RRH: variants seen among roughly 807,000 people sequenced by gnomAD.
RRH encodes visual pigment-like receptor peropsin.
Under a neutral mutation model 33.1 loss-of-function variants are expected in RRH, and 36 were observed. The observed-to-expected ratio is 1.09, with a 90% CI of 0.83 to 1.44. The LOEUF is 1.44. RRH is among the 40% of genes most tolerant of loss of function. The pLI is 0.00. For synonymous variants in RRH, 124 were observed against 140.2 expected, an observed-to-expected ratio of 0.88 and a Z score of 0.82; for missense variants, 393 against 420.2, an observed-to-expected ratio of 0.94 and a Z score of 0.57.
intron 3 of RRH, 78 bp downstream of exon 3, chr4:109,835,543 A>G: frequency 9.9e-7 from 1 of 1,006,546 alleles, no homozygotes. Context: ...ACGCTAAAAT[A>G]TAAACCTAAT....
chr4:109,842,229 T>TA (rs2125894559), intron 5 of RRH, among the ~76,000 whole-genome samples: 1 of 152,240 alleles, frequency 6.6e-6, no homozygotes, highest in East Asian at 1.9e-4. Flanking sequence ...GTACCATTCT[T>TA]AAAAGCAATG....
At position 109,844,921 on chromosome 4, in the gene RRH, T is replaced by C. The variant is rs950085339; in HGVS notation, c.*724T>C. 6.6e-6 allele frequency among the ~76,000 whole-genome samples: 1 copy of C among 152,204 alleles called. No homozygotes were observed. Among genetic ancestry groups the C allele is most frequent in the African/African-American group, 2.4e-5 (1 of 41,464 alleles). ...TGTCTGGCATGTAGTAGGCACTCAA[T>C]AAATATTTTTTCAATGTCAAATGAA... On this transcript the variant is annotated 3_prime_UTR_variant, in exon 7 of 7. Coordinates refer to ENST00000317735, the MANE Select transcript of RRH (RefSeq NM_006583.5).
chr4:109,835,290 C>A, intron 2 of RRH, 76 bp from the exon 3 acceptor site: 1 of 958,956 alleles, frequency 1.0e-6, no homozygotes, highest in Non-Finnish European at 1.7e-6. Flanking sequence ...GAGATATATT[C>A]TAACAATGGA....
At chr4:109,835,032 T>A (rs1733850067) in intron 2 of RRH, among the ~76,000 whole-genome samples, 1 of 152,214 alleles carries the variant, frequency 6.6e-6, no homozygotes, top group Non-Finnish European at 1.5e-5. Flanking sequence ...TCTATTGAGT[T>A]TGTCTTTTCC....
chr4:109,842,057 A>C (rs1031964329), intron 5 of RRH, among the ~76,000 whole-genome samples: 24 of 152,210 alleles, frequency 1.6e-4, no homozygotes, highest in Non-Finnish European at 2.9e-5. Context: ...CAGTAAGAGC[A>C]AATAATAATG....
chr4:109,833,152 T>C lies in RRH; in HGVS notation c.120T>C (p.Ile40=). Residue 40 remains isoleucine, a synonymous_variant, in exon 2 of 7, where the codon ATT becomes ATC. Coordinates refer to ENST00000317735, the MANE Select transcript of RRH (RefSeq NM_006583.5). Reference sequence around the variant, plus strand: ...GTGTGTTCTCAGGTATGATAAGTATTATCAGCAACATAATAGTTCTGGGCA... The same window carrying C: ...GTGTGTTCTCAGGTATGATAAGTATCATCAGCAACATAATAGTTCTGGGCA... ...TYLIMAGMIS[I]ISNIIVLGIF... 1 of 1,613,382 alleles carries C rather than the reference T, an allele frequency of 6.2e-7. No individual in the cohort carries two copies. Among genetic ancestry groups the C allele is most frequent in the Non-Finnish European group, 8.5e-7 (1 of 1,179,312 alleles).
chr4:109,838,816 T>C (rs925682901), intron 5 of RRH, among the ~76,000 whole-genome samples: 1 of 152,164 alleles, frequency 6.6e-6, no homozygotes, highest in African/African-American at 2.4e-5. Flanking sequence ...TATAGGATCT[T>C]CTCTATGTCT....
chr4:109,831,017 C>A (rs1394939423), intron 1 of RRH, among the ~76,000 whole-genome samples: 1 of 152,158 alleles, frequency 6.6e-6, no homozygotes, highest in Non-Finnish European at 1.5e-5. Context: ...AGAAGACCTA[C>A]AGCTGTGGAA....
rs188573027 is a variant in RRH, at chr4:109,832,440, C to G, written c.107-699C>G. On this transcript the variant is annotated intron_variant, in intron 1 of 6. Coordinates refer to ENST00000317735, the MANE Select transcript of RRH (RefSeq NM_006583.5). ...GCTTCTCTATGGACCAAAAAGCTGG[C>G]TCAACTTCCTCTCTGGATAGTCAAG... Among the ~76,000 whole-genome samples the G allele has an allele frequency of 2.5e-3, 368 of 149,738 alleles. 1 individual carries two copies. Among genetic ancestry groups the G allele is most frequent in the African/African-American group, 8.5e-3 (343 of 40,440 alleles).
chr4:109,842,553 A>G lies in RRH; in HGVS notation c.805A>G (p.Lys269Glu), dbSNP rs773975938. 10 of 1,613,950 alleles carry G rather than the reference A, an allele frequency of 6.2e-6. No homozygotes were observed. In the Admixed American group the frequency reaches 6.7e-5, roughly 11 times the overall value. The change falls in exon 6 of 7, where the codon AAG becomes GAG. Residue 269 changes from lysine (K) to glutamate (E), a missense_variant. Physicochemically the swap from Lys to Glu is moderately conservative, Grantham distance 56 (BLOSUM62 1). Transcript: ENST00000317735. ...CTTATGGGCTTCTTTTGGTGACCCA[A>G]AGAAGATTCCTCCCCCCATGGCCAT... ...VCLWASFGDP[K>E]KIPPPMAIIA...
chr4:109,843,474 G>A (rs370222582), intron 6 of RRH, among the ~76,000 whole-genome samples: 5 of 152,344 alleles, frequency 3.3e-5, no homozygotes, highest in Admixed American at 6.5e-5. Flanking sequence ...CTCCCAAAGC[G>A]CTGGGATTAC....
chr4:109,832,249 C>G (rs781027781), intron 1 of RRH, among the ~76,000 whole-genome samples: 7 of 147,722 alleles, frequency 4.7e-5, no homozygotes, highest in Non-Finnish European at 7.4e-5. Flanking sequence ...ACATGCACAT[C>G]CAGTACACTC....
Position 109,837,418 on chromosome 4 carries a change from T to C in RRH, c.552-19T>C. On this transcript the variant is annotated intron_variant, in intron 4 of 6. Coordinates refer to ENST00000317735, the MANE Select transcript of RRH (RefSeq NM_006583.5). The stretch of plus-strand genomic sequence containing the variant: ...AGGACATTAAATGAGCAATCATGAT[T>C]GCCTTTTCTTATTTTCAGATCTTTT... 2 of 1,610,706 alleles carry C rather than the reference T, an allele frequency of 1.2e-6. No individual in the cohort carries two copies. The highest frequency in any genetic ancestry group is 2.2e-5 in the East Asian group (1 of 44,856).
chr4:109,835,635 A>C lies in RRH; in HGVS notation c.397+170A>C, dbSNP rs375298423. ...TGGCTTCTTATTGTACTTAGAATAAAATCCAAATTTCATAAGGCTATTCAC... is the reference window on the plus strand; with the variant it reads ...TGGCTTCTTATTGTACTTAGAATAACATCCAAATTTCATAAGGCTATTCAC... On this transcript the variant is annotated intron_variant, in intron 3 of 6. Transcript: ENST00000317735. Among the ~76,000 whole-genome samples, 61 of 152,346 alleles carry C rather than the reference A, an allele frequency of 4.0e-4. No individual in the cohort carries two copies. The East Asian group carries it at 6.7e-3, about 17-fold the overall frequency.
chr4:109,838,516 T>C (rs1733930586), intron 5 of RRH, among the ~76,000 whole-genome samples: 1 of 152,196 alleles, frequency 6.6e-6, no homozygotes, highest in Non-Finnish European at 1.5e-5. Flanking sequence ...CCTTTTTTTT[T>C]TTCTTAGTTT....
In RRH at chr4:109,837,620, T is replaced by G; in HGVS notation, c.720+15T>G. On this transcript the variant is annotated intron_variant, in intron 5 of 6. Coordinates refer to ENST00000317735, the MANE Select transcript of RRH (RefSeq NM_006583.5). ...ATGTAACAAAGGTAAGAGATCAAAA[T>G]CCTTGAAAAATTGTTGTCATGGAGC... 1.2e-6 allele frequency: 2 copies of G among 1,609,258 alleles called. No individual in the cohort carries two copies. Among genetic ancestry groups the G allele is most frequent in the Non-Finnish European group, 1.7e-6 (2 of 1,176,584 alleles).
chr4:109,837,642 G>A (rs777902593), intron 5 of RRH, 37 bp downstream of exon 5: 3 of 1,563,436 alleles, frequency 1.9e-6, no homozygotes, highest in Non-Finnish European at 2.6e-6. Flanking sequence ...TGTTGTCATG[G>A]AGCTTTTACC....
Position 109,830,729 on chromosome 4 carries a change from A to AT in RRH, c.107-2408dup, listed in dbSNP as rs144635918. On this transcript the variant is annotated intron_variant, in intron 1 of 6. Coordinates refer to ENST00000317735, the MANE Select transcript of RRH (RefSeq NM_006583.5). ...AGGGTATAGCCTTGGGTATGAAGAAATTACTCAGAGTATGTGTTAAATGTG... is the reference window on the plus strand; with the variant it reads ...AGGGTATAGCCTTGGGTATGAAGAAATTTACTCAGAGTATGTGTTAAATGTG... Among the ~76,000 whole-genome samples the AT allele has an allele frequency of 2.8e-3, 430 of 152,224 alleles. 7 individuals carry two copies. Among genetic ancestry groups the AT allele is most frequent in the African/African-American group, 9.9e-3 (411 of 41,564 alleles).
intron 6 of RRH, among the ~76,000 whole-genome samples, chr4:109,843,063 TG>T (rs1180248005): frequency 3.9e-5 from 6 of 152,252 alleles, no homozygotes; most frequent in Non-Finnish European, 8.8e-5. Flanking sequence ...TGGGCTCACT[TG>T]GTGGGTAGCA....
Sources: gnomAD v4.1 joint callset for allele counts (sites outside exome capture counted in the v4.1 genomes callset) on GRCh38, gnomAD v4.1.1 for gene constraint, MANE v1.5 for transcripts, NCBI Gene and HGNC (gene_info 2026-07-23, HGNC 2026-07-21) for gene names.